The following ESR1 variants were observed in gnomAD, a reference collection of about 807,000 sequenced individuals.
ESR1 encodes the protein estrogen receptor.
In ESR1, 12 loss-of-function variants were observed where a neutral mutation model predicts 52.7. The ratio of observed to expected loss-of-function variants is 0.23; its 90% CI spans 0.15 to 0.37. The LOEUF is 0.37. Ranked by LOEUF, ESR1 falls within the 10% of genes least tolerant of loss-of-function variation. The pLI, the probability that ESR1 is intolerant of heterozygous loss-of-function variation, is 1.00. For missense variants in ESR1, 584 were observed against 779.7 expected, an observed-to-expected ratio of 0.75 and a Z score of 2.99; for synonymous variants, 305 against 316.8, an observed-to-expected ratio of 0.96 and a Z score of 0.39.
chr6:152,020,984 T>C (rs904773864), intron 5 of ESR1, among the ~76,000 whole-genome samples: 6 of 152,200 alleles, frequency 3.9e-5, no homozygotes, highest in African/African-American at 1.4e-4. Flanking sequence ...CTTTTAGAGA[T>C]CTTCATTAAG....
At chr6:151,756,583 T>C (rs915327090) in intron 2 of ESR1, among the ~76,000 whole-genome samples, 1 of 152,242 alleles carries the variant, frequency 6.6e-6, no homozygotes, top group African/African-American at 2.4e-5. Flanking sequence ...GAGGGTAGAC[T>C]TCTTTGTTTT....
At chr6:151,685,428 C>G (rs549563990) in intron 1 of ESR1, among the ~76,000 whole-genome samples, 1 of 152,200 alleles carries the variant, frequency 6.6e-6, no homozygotes, top group East Asian at 1.9e-4. Flanking sequence ...CCACCGCGCC[C>G]GGCCACTGGC....
chr6:151,721,030 A>G (rs1781418106), intron 2 of ESR1, among the ~76,000 whole-genome samples: 1 of 152,260 alleles, frequency 6.6e-6, no homozygotes, highest in South Asian at 2.1e-4. Flanking sequence ...ACAGTGAGAG[A>G]CACAAACAAA....
chr6:151,997,090 A>G (rs1009244851), intron 4 of ESR1, among the ~76,000 whole-genome samples: 1 of 151,980 alleles, frequency 6.6e-6, no homozygotes, highest in Non-Finnish European at 1.5e-5. Context: ...ACAAAAAAAA[A>G]ACAAAGCAAC....
intron 4 of ESR1, among the ~76,000 whole-genome samples, chr6:151,961,362 G>C (rs528910964): frequency 2.6e-5 from 4 of 152,270 alleles, no homozygotes; most frequent in Admixed American, 1.3e-4. Flanking sequence ...GCTGCTATTG[G>C]GTCAAGTAGG....
chr6:151,714,604 C>T (rs1461212660), intron 2 of ESR1, among the ~76,000 whole-genome samples: 1 of 152,028 alleles, frequency 6.6e-6, no homozygotes, highest in Admixed American at 6.6e-5. Flanking sequence ...CCTTCTTTGT[C>T]TTTTTTGATC....
rs1387775646 is a variant in ESR1 at position 152,098,064 on chromosome 6, T to C, written c.1554-668T>C. 6.6e-6 allele frequency among the ~76,000 whole-genome samples: 1 copy of C among 151,956 alleles called. No individual in the cohort carries two copies. The highest frequency in any genetic ancestry group is 1.5e-5 in the Non-Finnish European group (1 of 68,002). On this transcript the variant is annotated intron_variant, in intron 7 of 7. Transcript: ENST00000206249. This position sits in a 1 kb window ranked among gnomAD's most constrained non-coding sequence, Gnocchi z 5.1. Reference sequence around the variant, plus strand: ...CCGGAGGAAGGTTCATCCCAGCAAGTAGGAACAGCAAGTGTAGGTCCCCTA... The same window carrying C: ...CCGGAGGAAGGTTCATCCCAGCAAGCAGGAACAGCAAGTGTAGGTCCCCTA...
At chr6:151,729,504 T>C (rs536550069) in intron 2 of ESR1, among the ~76,000 whole-genome samples, 83 of 152,150 alleles carry the variant, frequency 5.5e-4, no homozygotes, top group Non-Finnish European at 1.1e-3. Context: ...GAATTAATAA[T>C]GCTTGGACCT....
chr6:152,047,605 A>G (rs946898683), intron 5 of ESR1, among the ~76,000 whole-genome samples: 15 of 152,166 alleles, frequency 9.9e-5, no homozygotes, highest in African/African-American at 3.6e-4. Flanking sequence ...CCTGCTATAG[A>G]GACTTAAGGA....
intron 4 of ESR1, among the ~76,000 whole-genome samples, chr6:151,992,895 A>G (rs531399770): frequency 6.6e-6 from 1 of 152,234 alleles, no homozygotes; most frequent in East Asian, 1.9e-4. Context: ...TATAACATAT[A>G]TTATCTAGTA....
chr6:152,012,949 ATTGTACAAGGTGT>A (rs1192524593), intron 5 of ESR1, among the ~76,000 whole-genome samples: 1 of 152,176 alleles, frequency 6.6e-6, no homozygotes, highest in Non-Finnish European at 1.5e-5. Context: ...GTACTGGAGA[ATTGTACAAGGTGT>A]TGGTTATTGT....
chr6:151,826,799 T>G (rs1008678309), intron 1 of ESR1, among the ~76,000 whole-genome samples: 6 of 152,244 alleles, frequency 3.9e-5, no homozygotes, highest in African/African-American at 1.4e-4. Context: ...GCACTGGGAA[T>G]AGATCAGTGA....
At chr6:151,675,613 A>G (rs1778224374) in intron 1 of ESR1, among the ~76,000 whole-genome samples, 1 of 152,192 alleles carries the variant, frequency 6.6e-6, no homozygotes. Flanking sequence ...AGTGTGTTCT[A>G]GTGATTAGAA....
chr6:152,109,598 A>G (rs2051107588), intron 6 of ESR1, among the ~76,000 whole-genome samples: 1 of 152,194 alleles, frequency 6.6e-6, no homozygotes, highest in South Asian at 2.1e-4. Context: ...AGTCAGGAGA[A>G]TCACTTGAAT....
intron 3 of ESR1, among the ~76,000 whole-genome samples, chr6:151,915,893 A>C (rs2030010278): frequency 6.6e-6 from 1 of 151,516 alleles, no homozygotes; most frequent in Non-Finnish European, 1.5e-5. Flanking sequence ...TAGTTATGTC[A>C]GGTTGCTAAG....
At chr6:152,070,067 C>A (rs2048252525) in intron 6 of ESR1, among the ~76,000 whole-genome samples, 1 of 137,326 alleles carries the variant, frequency 7.3e-6, no homozygotes, top group Non-Finnish European at 1.5e-5. Flanking sequence ...AGTCACTGGA[C>A]CTCTAATTCT....
intron 2 of ESR1, among the ~76,000 whole-genome samples, chr6:151,741,205 C>T (rs1319998002): frequency 1.3e-5 from 2 of 152,152 alleles, no homozygotes; most frequent in Non-Finnish European, 2.9e-5. Context: ...CCTGTCTCCT[C>T]TTCCTGCTTT....
chr6:151,960,675 T>C (rs530242105), intron 4 of ESR1, among the ~76,000 whole-genome samples: 7 of 152,184 alleles, frequency 4.6e-5, no homozygotes, highest in Admixed American at 6.5e-5. Context: ...TGAGGACTCA[T>C]TGCAGGACTT....
At chr6:151,820,879 C>T (rs926629609) in intron 1 of ESR1, among the ~76,000 whole-genome samples, 4 of 152,068 alleles carry the variant, frequency 2.6e-5, no homozygotes, top group African/African-American at 9.7e-5. Flanking sequence ...TGGTAGCAAC[C>T]TTAGGAATTT....
Sources: gnomAD v4.1 joint callset for allele counts (sites outside exome capture counted in the v4.1 genomes callset) on GRCh38, gnomAD v4.1.1 for gene constraint, Gnocchi (gnomAD v3.1) non-coding constraint, MANE v1.5 for transcripts, NCBI Gene and HGNC (gene_info 2026-07-23, HGNC 2026-07-21) for gene names.